Variants in GRM8 observed in about 807,000 individuals in gnomAD.
The protein encoded by GRM8 is metabotropic glutamate receptor 8.
Under a neutral mutation model 87.2 loss-of-function variants are expected in GRM8, and 47 were observed. The ratio of observed to expected loss-of-function variants is 0.54; its 90% confidence interval spans 0.43 to 0.69. The LOEUF is 0.69. Ranked by LOEUF, GRM8 falls within the 30% of genes least tolerant of loss-of-function variation. GRM8 has a pLI of 0.00. For missense variants in GRM8, 1,019 were observed against 1,139.2 expected (o/e 0.89, Z 1.52); for synonymous variants, 396 against 404.5 (o/e 0.98, Z 0.25).
At chr7:126,470,738 T>C (rs1010855291) in intron 9 of GRM8, among the ~76,000 whole-genome samples, 13 of 152,320 alleles carry the variant, frequency 8.5e-5, no homozygotes, top group South Asian at 4.1e-4. Context: ...ATGGCATTTC[T>C]AGTTCTAGAT....
chr7:126,662,756 T>C (rs1207497893), intron 7 of GRM8, among the ~76,000 whole-genome samples: 1 of 152,098 alleles, frequency 6.6e-6, no homozygotes, highest in Non-Finnish European at 1.5e-5. Flanking sequence ...TAAAGTGCCA[T>C]CCAGTACAAC....
chr7:126,507,962 G>A (rs1394054418), intron 9 of GRM8, among the ~76,000 whole-genome samples: 7 of 151,688 alleles, frequency 4.6e-5, no homozygotes, highest in African/African-American at 1.5e-4. Flanking sequence ...TGTTCATTTC[G>A]AAACCCTCTA....
At chr7:127,160,495 C>T (rs1322906507) in intron 2 of GRM8, among the ~76,000 whole-genome samples, 2 of 151,764 alleles carry the variant, frequency 1.3e-5, no homozygotes, top group African/African-American at 2.4e-5. Flanking sequence ...CAGAGCAGGG[C>T]GGCCTGTGTA....
chr7:126,618,414 C>A (rs954339878), intron 7 of GRM8, among the ~76,000 whole-genome samples: 11 of 152,074 alleles, frequency 7.2e-5, no homozygotes, highest in Admixed American at 2.0e-4. Context: ...GACCTAAAAC[C>A]ATAAAAACCC....
intron 2 of GRM8, among the ~76,000 whole-genome samples, chr7:127,132,933 G>T (rs1827765042): frequency 6.6e-6 from 1 of 152,192 alleles, no homozygotes; most frequent in African/African-American, 2.4e-5. Context: ...GATGTTTCAA[G>T]AATTTAATTA....
At chr7:126,457,164 T>C (rs986901377) in intron 9 of GRM8, among the ~76,000 whole-genome samples, 1 of 151,360 alleles carries the variant, frequency 6.6e-6, no homozygotes, top group African/African-American at 2.4e-5. Context: ...ACTAATTAGC[T>C]ACATGGCAGG....
At chr7:127,218,560 CTG>C (rs1796714466) in intron 2 of GRM8, among the ~76,000 whole-genome samples, 1 of 152,180 alleles carries the variant, frequency 6.6e-6, no homozygotes, top group Admixed American at 6.5e-5. Context: ...TGAAGGACAA[CTG>C]AGTAAAATGC....
chr7:126,742,085 T>C (rs1215019014), intron 7 of GRM8, among the ~76,000 whole-genome samples: 2 of 151,992 alleles, frequency 1.3e-5, no homozygotes, highest in Non-Finnish European at 2.9e-5. Context: ...ACAGGCGCGT[T>C]TCATACCTGC....
intron 7 of GRM8, among the ~76,000 whole-genome samples, chr7:126,697,644 A>G (rs1314921387): frequency 1.3e-5 from 2 of 152,072 alleles, no homozygotes; most frequent in South Asian, 2.1e-4. Flanking sequence ...ATTTACTCAC[A>G]TCTTTCCATA....
intron 3 of GRM8, among the ~76,000 whole-genome samples, chr7:126,932,738 A>G (rs1805894238): frequency 6.6e-6 from 1 of 152,196 alleles, no homozygotes; most frequent in African/African-American, 2.4e-5. Context: ...GGATATGTGA[A>G]AAAAGAATAA....
At chr7:126,998,710 GA>G (rs1180155387) in intron 3 of GRM8, among the ~76,000 whole-genome samples, 4 of 151,272 alleles carry the variant, frequency 2.6e-5, no homozygotes, top group East Asian at 3.9e-4. Context: ...TTAAAGAACT[GA>G]AAAAAACTCT....
chr7:127,124,529 G>A (rs1277705204), intron 2 of GRM8, among the ~76,000 whole-genome samples: 1 of 151,936 alleles, frequency 6.6e-6, no homozygotes. Context: ...CAATATTTTT[G>A]CACCCTTTCA....
intron 9 of GRM8, among the ~76,000 whole-genome samples, chr7:126,477,500 T>C (rs1313622416): frequency 6.6e-6 from 1 of 151,426 alleles, no homozygotes; most frequent in Non-Finnish European, 1.5e-5. Flanking sequence ...ATATCTTCAA[T>C]ATATATACTT....
At chr7:126,735,140 G>A (rs553635052) in intron 7 of GRM8, among the ~76,000 whole-genome samples, 4 of 151,818 alleles carry the variant, frequency 2.6e-5, no homozygotes, top group Non-Finnish European at 5.9e-5. Flanking sequence ...ATTGCTGTAG[G>A]GCAAGTAACA....
At chr7:126,655,804 C>T (rs917845532) in intron 7 of GRM8, among the ~76,000 whole-genome samples, 1 of 152,080 alleles carries the variant, frequency 6.6e-6, no homozygotes, top group African/African-American at 2.4e-5. Context: ...TTTAAAACAT[C>T]CACATGTGGT....
chr7:126,790,789 C>T (rs1346436226), intron 6 of GRM8, among the ~76,000 whole-genome samples: 1 of 152,046 alleles, frequency 6.6e-6, no homozygotes, highest in Non-Finnish European at 1.5e-5. Context: ...TGAGGAAGGG[C>T]AGCAGCGATG....
chr7:126,587,386 A>C (rs1796247736), intron 8 of GRM8, among the ~76,000 whole-genome samples: 2 of 152,216 alleles, frequency 1.3e-5, no homozygotes, highest in Admixed American at 1.3e-4. Flanking sequence ...ACGTATGTTT[A>C]TTGCGGCACT....
At chr7:127,152,769 C>T (rs1242480528) in intron 2 of GRM8, among the ~76,000 whole-genome samples, 1 of 152,056 alleles carries the variant, frequency 6.6e-6, no homozygotes, top group Non-Finnish European at 1.5e-5. Context: ...AGAAAACCAT[C>T]TAAAGATCAC....
chr7:127,155,715 T>A (rs1792680089), intron 2 of GRM8, among the ~76,000 whole-genome samples: 1 of 152,176 alleles, frequency 6.6e-6, no homozygotes, highest in Non-Finnish European at 1.5e-5. Flanking sequence ...GACCTTAAAA[T>A]TCCACTCAAT....
Sources: gnomAD v4.1 joint callset for allele counts (sites outside exome capture counted in the v4.1 genomes callset) on GRCh38, gnomAD v4.1.1 for gene constraint, MANE v1.5 for transcripts, NCBI Gene and HGNC (gene_info 2026-07-23, HGNC 2026-07-21) for gene names.